SPEG: variants seen among roughly 807,000 people sequenced by gnomAD.
SPEG encodes the protein striated muscle preferentially expressed protein kinase.
A neutral mutation model predicts 300.4 loss-of-function variants in SPEG; 114 were observed. That is an observed-to-expected ratio of 0.38 (90% CI 0.33 to 0.44). SPEG has a LOEUF of 0.44. SPEG is among the 20% of genes least tolerant of loss of function. The probability of loss-of-function intolerance (pLI) is 1.00; values close to 1 mark genes in which losing one functional copy is unlikely to be tolerated. For synonymous variants in SPEG, 1,964 were observed against 2,018.9 expected, an observed-to-expected ratio of 0.97 and a Z score of 0.73; for missense variants, 4,201 against 4,586.2, an observed-to-expected ratio of 0.92 and a Z score of 2.43.
At chr2:219,442,461 C>T (rs1281097095) in intron 1 of SPEG, among the ~76,000 whole-genome samples, 1 of 151,248 alleles carries the variant, frequency 6.6e-6, no homozygotes, top group Non-Finnish European at 1.5e-5. Flanking sequence ...GCCCCAGCCC[C>T]CCACTCTGAA....
chr2:219,491,940 C>A, intron 39 of SPEG, 71 bp downstream of exon 39: 2 of 1,417,644 alleles, frequency 1.4e-6, no homozygotes, highest in Middle Eastern at 1.8e-4. Flanking sequence ...CTTCTGCCAA[C>A]ACCCTCTCCC....
In SPEG at chr2:219,480,167, G is replaced by A. The variant is rs138216550; in HGVS notation, c.5342+27G>A. The A allele has an allele frequency of 5.3e-5, 85 of 1,610,134 alleles. No individual in the cohort carries two copies. The South Asian group carries it at 6.9e-4, about 13-fold the overall frequency. On this transcript the variant is annotated intron_variant, in intron 25 of 40. Coordinates refer to ENST00000312358, the MANE Select transcript of SPEG (RefSeq NM_005876.5). This position sits in a 1 kb window ranked among gnomAD's most constrained non-coding sequence, Gnocchi z 5.3. ...TAAGGCTGGCATGCTGGGCTGGGCC[G>A]ACCAGGGCAGCTGCCCTTGGGGCTG... is the stretch of plus-strand genomic sequence containing the variant.
At position 219,458,821 on chromosome 2, in the gene SPEG, T is replaced by G. The variant is rs1416665097; in HGVS notation, c.2441-3061T>G. Among the ~76,000 whole-genome samples the G allele has an allele frequency of 6.6e-6, 1 of 152,218 alleles. No individual in the cohort carries two copies. The highest frequency in any genetic ancestry group is 1.5e-5 in the Non-Finnish European group (1 of 68,038). On this transcript the variant is annotated intron_variant, in intron 6 of 40. Transcript: ENST00000312358. The surrounding 1 kb of genome is among the most constrained non-coding windows in gnomAD (Gnocchi z 4.2). The stretch of plus-strand genomic sequence containing the variant: ...TCCTGACATCTCATTTCAGAAAATC[T>G]AATTCTGCAGGCTGGAGTAAGGTTG...
rs1411583191 is a variant in SPEG at position 219,484,469 on chromosome 2, A to G, written c.7006A>G (p.Lys2336Glu). ...GGAGTCGGAGGCCGTGTTCGAGGCCAAGTTCAAGCGCAGCCGCGAGTCGCC... is the reference window on the plus strand; with the variant it reads ...GGAGTCGGAGGCCGTGTTCGAGGCCGAGTTCAAGCGCAGCCGCGAGTCGCC... Reference protein sequence around the residue: ...NLESEAVFEAKFKRSRESPLS... With the variant: ...NLESEAVFEAEFKRSRESPLS... Residue 2336 changes from lysine to glutamate, a missense_variant, in exon 30 of 41, where the codon AAG becomes GAG. Physicochemically the swap from Lys to Glu is moderately conservative, Grantham distance 56. This residue lies in a region of SPEG where 1,578 missense variants were observed against 1,506.0 expected (regional missense o/e 1.05). Coordinates refer to ENST00000312358, the MANE Select transcript of SPEG (RefSeq NM_005876.5). 6.2e-7 allele frequency: 1 copy of G among 1,610,826 alleles called. No individual in the cohort carries two copies. The highest frequency in any genetic ancestry group is 8.5e-7 in the Non-Finnish European group (1 of 1,179,678).
chr2:219,457,250 C>T (rs966464331), intron 6 of SPEG, among the ~76,000 whole-genome samples: 1 of 152,180 alleles, frequency 6.6e-6, no homozygotes. Context: ...TGCTAACCTG[C>T]AGCCTATCAC....
chr2:219,467,918 C>T (rs1691516311), intron 10 of SPEG, among the ~76,000 whole-genome samples: 1 of 152,236 alleles, frequency 6.6e-6, no homozygotes, highest in East Asian at 1.9e-4. Context: ...TCAAATGGCA[C>T]ACCTGCCTAA....
In SPEG at chr2:219,444,976, C is replaced by T. The variant is rs1394568830; in HGVS notation, c.630C>T (p.Gly210=). The change falls in exon 3 of 41, where the codon GGC becomes GGT. Residue 210 remains glycine (G), a synonymous_variant. Coordinates refer to ENST00000312358, the MANE Select transcript of SPEG (RefSeq NM_005876.5). The surrounding 1 kb of genome is among the most constrained non-coding windows in gnomAD (Gnocchi z 7.8). ...GGGGTGGCACCCGCCGCCTCCCGGG[C>T]AGCCCAAGGCAAGCACAGGCAACCG... ...GSGGGTRRLP[G]SPRQAQATGA... 1 of 1,607,930 alleles carries T rather than the reference C, an allele frequency of 6.2e-7. No individual in the cohort carries two copies. The highest frequency in any genetic ancestry group is 8.5e-7 in the Non-Finnish European group (1 of 1,177,128).
rs79881855 is a variant in SPEG at position 219,480,940 on chromosome 2, G to A, written c.5369+243G>A. 0.016 allele frequency among the ~76,000 whole-genome samples: 2,393 copies of A among 152,156 alleles called. 68 individuals carry two copies. The highest frequency in any genetic ancestry group is 0.054 in the African/African-American group (2,247 of 41,472). ...CCAGCGCAGGCTCAGGGCCATGGAG[G>A]CAGGGAACTCCTTGGCTCTGAGTGT... On this transcript the variant is annotated intron_variant, in intron 26 of 40. Coordinates refer to ENST00000312358, the MANE Select transcript of SPEG (RefSeq NM_005876.5). The surrounding 1 kb of genome is among the most constrained non-coding windows in gnomAD (Gnocchi z 5.3).
At chr2:219,487,692 C>A (rs1693567227) in intron 31 of SPEG, among the ~76,000 whole-genome samples, 1 of 152,222 alleles carries the variant, frequency 6.6e-6, no homozygotes, top group African/African-American at 2.4e-5. Flanking sequence ...TTTTCCTAGA[C>A]TGCAGCTCTT....
In SPEG at chr2:219,490,399, C is replaced by A; in HGVS notation, c.8922-10C>A. The A allele has an allele frequency of 6.2e-7, 1 of 1,605,974 alleles. No individual in the cohort carries two copies. The highest frequency in any genetic ancestry group is 8.5e-7 in the Non-Finnish European group (1 of 1,176,044). On this transcript the variant is annotated splice_polypyrimidine_tract_variant and intron_variant, in intron 36 of 40. Coordinates refer to ENST00000312358, the MANE Select transcript of SPEG (RefSeq NM_005876.5). ...TCTGAGCCGGTGGTGTCCCTCCCCC[C>A]GACACACAGGGGCCGCTTTGGTGTT...
At chr2:219,468,364 C>G (rs1248197860) in intron 10 of SPEG, among the ~76,000 whole-genome samples, 1 of 152,126 alleles carries the variant, frequency 6.6e-6, no homozygotes, top group Non-Finnish European at 1.5e-5. Flanking sequence ...AGTCCCCAGC[C>G]CACCATGGCA....
At chr2:219,453,639 C>T (rs893326435) in intron 6 of SPEG, among the ~76,000 whole-genome samples, 2 of 152,228 alleles carry the variant, frequency 1.3e-5, no homozygotes, top group African/African-American at 2.4e-5. Context: ...CCCTGGGGAG[C>T]CAGAAAGCCT....
intron 9 of SPEG, chr2:219,465,954 TGTGCGTGTGC>T (rs1691293228): frequency 4.2e-6 from 4 of 963,542 alleles, no homozygotes; most frequent in African/African-American, 1.6e-5. Flanking sequence ...TGCGTGCATG[TGTGCGTGTGC>T]ATGCGTGTGT....
rs577063600 is a variant in SPEG, at chr2:219,459,414, G to A, written c.2441-2468G>A. Among the ~76,000 whole-genome samples, 1 of 152,190 alleles carries A rather than the reference G, an allele frequency of 6.6e-6. No homozygotes were observed. The highest frequency in any genetic ancestry group is 6.5e-5 in the Admixed American group (1 of 15,288). ...CTGGTATGGAGCCTCAGGAATCCTC[G>A]ATCAGCTTCCTTGGTCACTCACTTT... On this transcript the variant is annotated intron_variant, in intron 6 of 40. Transcript: ENST00000312358. This position sits in a 1 kb window ranked among gnomAD's most constrained non-coding sequence, Gnocchi z 4.9.
Position 219,480,781 on chromosome 2 carries a change from T to G in SPEG, c.5369+84T>G. 4.7e-6 allele frequency: 6 copies of G among 1,271,144 alleles called. No homozygotes were observed. Among genetic ancestry groups the G allele is most frequent in the Non-Finnish European group, 6.9e-6 (6 of 869,814 alleles). The allele number at this position is 1,271,144 out of a possible 1,614,324, so 78.7% of individuals were successfully genotyped here. ...CAGGGCTGCAGCCCACCCCCTTCTC[T>G]TCCGCACCCCCCACTCCTTCTTGCA... is the stretch of plus-strand genomic sequence containing the variant. On this transcript the variant is annotated intron_variant, in intron 26 of 40. Transcript: ENST00000312358. This position sits in a 1 kb window ranked among gnomAD's most constrained non-coding sequence, Gnocchi z 5.3.
chr2:219,450,632 A>C (rs943915072), intron 4 of SPEG: 3 of 152,442 alleles, frequency 2.0e-5, no homozygotes, highest in Admixed American at 2.0e-4. Flanking sequence ...TAGGCCTCTC[A>C]GACTGCCTAC....
In SPEG at chr2:219,484,432, C is replaced by A; in HGVS notation, c.6969C>A (p.Ser2323Arg). Reference sequence around the variant, plus strand: ...GGCCAGGCAGCAGTCTCAGTAGCAGCATCGAAAACTTGGAGTCGGAGGCCG... The same window carrying A: ...GGCCAGGCAGCAGTCTCAGTAGCAGAATCGAAAACTTGGAGTCGGAGGCCG... ...PPRPGSSLSS[S>R]IENLESEAVF... The change falls in exon 30 of 41, where the codon AGC becomes AGA. Residue 2323 changes from serine to arginine, a missense_variant. Physicochemically the swap from Ser to Arg is moderately radical, Grantham distance 110. This residue lies in a region of SPEG where 1,578 missense variants were observed against 1,506.0 expected (regional missense o/e 1.05). Coordinates refer to ENST00000312358, the MANE Select transcript of SPEG (RefSeq NM_005876.5). 1.9e-6 allele frequency: 3 copies of A among 1,611,448 alleles called. No individual in the cohort carries two copies. The highest frequency in any genetic ancestry group is 2.5e-6 in the Non-Finnish European group (3 of 1,179,812).
Position 219,483,724 on chromosome 2 carries a change from CAG to C in SPEG, c.6262_6263del (p.Arg2088GlyfsTer47). 2 of 1,535,904 alleles carry C rather than the reference CAG, an allele frequency of 1.3e-6. No homozygotes were observed. Among genetic ancestry groups the C allele is most frequent in the Non-Finnish European group, 1.7e-6 (2 of 1,147,596 alleles). ...GPEDGKVSGL[R>X]GPLLESLGGR... ...CCGAGGATGGCAAGGTCAGCGGCCT[CAG>C]GGGTCCCCTGCTGGAGAGCCTGGGG... is the stretch of plus-strand genomic sequence containing the variant. On this transcript the variant is annotated frameshift_variant, in exon 30 of 41. Transcript: ENST00000312358. LOFTEE classifies it high-confidence loss of function.
intron 3 of SPEG, 29 bp from the exon 4 acceptor site, chr2:219,447,945 C>T: frequency 6.2e-7 from 1 of 1,606,334 alleles, no homozygotes. Context: ...CCCCTGAATC[C>T]TCTACCCTTC....
Sources: allele counts gnomAD v4.1 joint callset (sites outside exome capture counted in the v4.1 genomes callset), GRCh38; gene constraint gnomAD v4.1.1; regional missense constraint gnomAD v4.1.1; non-coding constraint Gnocchi (gnomAD v3.1); transcripts MANE v1.5; gene names NCBI Gene and HGNC (gene_info 2026-07-23, HGNC 2026-07-21).